SUPT3H: variants seen among roughly 807,000 people sequenced by gnomAD.
SUPT3H encodes SPT3 homolog, SAGA and STAGA complex component.
In SUPT3H, 44 loss-of-function variants were observed where a neutral mutation model predicts 44.3. The ratio of observed to expected loss-of-function variants is 0.99; its 90% CI spans 0.78 to 1.28. The LOEUF (loss-of-function observed/expected upper bound fraction) is 1.28. SUPT3H is among the 50% of genes most tolerant of loss of function. The pLI is 0.00. For synonymous variants in SUPT3H, 124 were observed against 125.6 expected, an observed-to-expected ratio of 0.99 and a Z score of 0.09; for missense variants, 380 against 387.1, an observed-to-expected ratio of 0.98 and a Z score of 0.15.
intron 2 of SUPT3H, among the ~76,000 whole-genome samples, chr6:45,160,530 T>C (rs1562578280): frequency 6.6e-6 from 1 of 152,136 alleles, no homozygotes; most frequent in African/African-American, 2.4e-5. Flanking sequence ...CTAAAAATAT[T>C]GTTTTAGCTG....
rs1444081284 is a variant in SUPT3H at position 44,863,845 on chromosome 6, TAA to T, written c.913-33990_913-33989del. On this transcript the variant is annotated intron_variant, in intron 10 of 10. Coordinates refer to ENST00000371459, the MANE Select transcript of SUPT3H (RefSeq NM_003599.4). Reference sequence around the variant, plus strand: ...ACATCGCAGCAGGCAAGAGAGAGAATAAGAGTCAAGTGGAACAGGTTTCCCTT... The same window carrying T: ...ACATCGCAGCAGGCAAGAGAGAGAATGAGTCAAGTGGAACAGGTTTCCCTT... Among the ~76,000 whole-genome samples, 9 of 152,070 alleles carry T rather than the reference TAA, an allele frequency of 5.9e-5. No homozygotes were observed. The East Asian group carries it at 1.7e-3, about 29-fold the overall frequency.
At chr6:45,014,519 GTC>G (rs1783955857) in intron 5 of SUPT3H, among the ~76,000 whole-genome samples, 1 of 152,098 alleles carries the variant, frequency 6.6e-6, no homozygotes, top group Admixed American at 6.6e-5. Flanking sequence ...TTTACTCTAA[GTC>G]TGCATTCACT....
At chr6:45,236,911 G>C (rs1769275965) in intron 2 of SUPT3H, among the ~76,000 whole-genome samples, 1 of 152,162 alleles carries the variant, frequency 6.6e-6, no homozygotes, top group Non-Finnish European at 1.5e-5. Flanking sequence ...GGGGACGGTA[G>C]GATTACTTCT....
intron 2 of SUPT3H, among the ~76,000 whole-genome samples, chr6:45,177,060 C>A (rs940230028): frequency 6.6e-6 from 1 of 152,214 alleles, no homozygotes; most frequent in Non-Finnish European, 1.5e-5. Flanking sequence ...CGGAACAAAG[C>A]TGGACGGAGA....
chr6:44,970,215 T>G (rs1777375738), intron 6 of SUPT3H, among the ~76,000 whole-genome samples: 1 of 152,162 alleles, frequency 6.6e-6, no homozygotes, highest in Non-Finnish European at 1.5e-5. Flanking sequence ...CTAATAAATT[T>G]AAAAATGTTT....
chr6:44,998,862 A>G (rs939249388), intron 6 of SUPT3H, among the ~76,000 whole-genome samples: 5 of 151,860 alleles, frequency 3.3e-5, no homozygotes, highest in Admixed American at 2.0e-4. Context: ...ATTATTTCCA[A>G]TTTAATAATG....
intron 2 of SUPT3H, among the ~76,000 whole-genome samples, chr6:45,332,444 G>A (rs1382732170): frequency 6.6e-6 from 1 of 151,656 alleles, no homozygotes; most frequent in African/African-American, 2.4e-5. Context: ...GATTAATGAT[G>A]CACCCGTGCA....
chr6:45,328,118 C>T, intron 2 of SUPT3H: 1 of 397,788 alleles, frequency 2.5e-6, no homozygotes, highest in Non-Finnish European at 4.3e-6. Context: ...CTATATCCTT[C>T]TGGATGCCAG....
At chr6:45,209,532 C>A (rs1440815896) in intron 2 of SUPT3H, among the ~76,000 whole-genome samples, 1 of 152,142 alleles carries the variant, frequency 6.6e-6, no homozygotes, top group Non-Finnish European at 1.5e-5. Flanking sequence ...AGAAGTAGAG[C>A]CTGTTGTGTG....
chr6:44,879,120 T>C (rs1777776257), intron 10 of SUPT3H, among the ~76,000 whole-genome samples: 1 of 152,062 alleles, frequency 6.6e-6, no homozygotes. Context: ...GGGAGCCAAG[T>C]GGTCTAGCTC....
At chr6:44,900,318 C>G (rs968090507) in intron 10 of SUPT3H, among the ~76,000 whole-genome samples, 2 of 152,202 alleles carry the variant, frequency 1.3e-5, no homozygotes, top group Non-Finnish European at 2.9e-5. Context: ...CGGGTCACTG[C>G]CACCCTAATA....
chr6:45,141,815 A>G (rs774234423), intron 2 of SUPT3H, among the ~76,000 whole-genome samples: 4 of 152,250 alleles, frequency 2.6e-5, no homozygotes, highest in Non-Finnish European at 5.9e-5. Context: ...AGAAATCTAA[A>G]GTGTGGAAAA....
At chr6:45,291,911 G>A (rs1049825849) in intron 2 of SUPT3H, among the ~76,000 whole-genome samples, 1 of 152,148 alleles carries the variant, frequency 6.6e-6, no homozygotes, top group African/African-American at 2.4e-5. Context: ...TAGAGACCTA[G>A]ACATCCAAAT....
intron 2 of SUPT3H, among the ~76,000 whole-genome samples, chr6:45,258,571 C>A (rs896537351): frequency 1.3e-5 from 2 of 152,096 alleles, no homozygotes; most frequent in Admixed American, 6.6e-5. Context: ...GCTTCCATTG[C>A]GCTAGTGTTA....
At chr6:45,194,593 A>T (rs1815700487) in intron 2 of SUPT3H, among the ~76,000 whole-genome samples, 1 of 152,194 alleles carries the variant, frequency 6.6e-6, no homozygotes, top group Non-Finnish European at 1.5e-5. Context: ...CTTCATAAGC[A>T]CATGCTGCAA....
At chr6:45,156,669 A>G (rs1402027559) in intron 2 of SUPT3H, among the ~76,000 whole-genome samples, 6 of 151,720 alleles carry the variant, frequency 4.0e-5, no homozygotes, top group Admixed American at 2.6e-4. Context: ...AGAAACATAA[A>G]TAAGTTTATG....
rs573507685 is a variant in SUPT3H at position 44,884,987 on chromosome 6, C to T, written c.912+47666G>A. Reference sequence around the variant, plus strand: ...TATCCTGCACCTGGCTCGGAGGGTCCTACGCCCACGGAGTCTGGCTGATTG... The same window carrying T: ...TATCCTGCACCTGGCTCGGAGGGTCTTACGCCCACGGAGTCTGGCTGATTG... On this transcript the variant is annotated intron_variant, in intron 10 of 10. Coordinates refer to ENST00000371459, the MANE Select transcript of SUPT3H (RefSeq NM_003599.4). Among the ~76,000 whole-genome samples, 7 of 152,314 alleles carry T rather than the reference C, an allele frequency of 4.6e-5. No individual in the cohort carries two copies. The South Asian group carries it at 1.5e-3, about 32-fold the overall frequency.
intron 2 of SUPT3H, among the ~76,000 whole-genome samples, chr6:45,281,273 T>C (rs1196959795): frequency 1.3e-5 from 2 of 152,148 alleles, no homozygotes; most frequent in Admixed American, 6.5e-5. Flanking sequence ...GCACCAAGCA[T>C]AAATCGAAGT....
At chr6:44,957,808 T>G (rs999922123) in intron 7 of SUPT3H, among the ~76,000 whole-genome samples, 1 of 151,706 alleles carries the variant, frequency 6.6e-6, no homozygotes, top group Non-Finnish European at 1.5e-5. Context: ...AATAAAAGAG[T>G]AGAGTCCAAA....
Sources: allele counts gnomAD v4.1 joint callset (sites outside exome capture counted in the v4.1 genomes callset), GRCh38; gene constraint gnomAD v4.1.1; transcripts MANE v1.5; gene names NCBI Gene and HGNC (gene_info 2026-07-23, HGNC 2026-07-21).